Variants in PRXL2B observed in about 807,000 individuals in gnomAD.
PRXL2B encodes peroxiredoxin like 2B.
In PRXL2B, 26 loss-of-function variants were observed where a neutral mutation model predicts 24.4. That is an observed-to-expected ratio of 1.07 (90% CI 0.78 to 1.48). The LOEUF (loss-of-function observed/expected upper bound fraction) is 1.48, where lower values mean the gene tolerates loss of function less well. PRXL2B is among the 40% of genes most tolerant of loss of function. The pLI is 0.00. For missense variants in PRXL2B, 269 were observed against 264.8 expected, an observed-to-expected ratio of 1.02 and a Z score of -0.11; for synonymous variants, 115 against 118.9, an observed-to-expected ratio of 0.97 and a Z score of 0.21.
rs1007302063 is a variant in PRXL2B at position 2,586,802 on chromosome 1, C to T, written c.-84C>T. On this transcript the variant is annotated 5_prime_UTR_variant, in exon 1 of 7. Transcript: ENST00000419916. Reference sequence around the variant, plus strand: ...GGGGCTTGGGGCTGGATCTATGAGCCGGGAGCGGGGATCCAGGAGCGAGGA... The same window carrying T: ...GGGGCTTGGGGCTGGATCTATGAGCTGGGAGCGGGGATCCAGGAGCGAGGA... 3.2e-6 allele frequency: 4 copies of T among 1,261,690 alleles called. No individual in the cohort carries two copies. The South Asian group carries it at 1.4e-4, about 43-fold the overall frequency. The allele number at this position is 1,261,690 out of a possible 1,614,324, so 78.2% of individuals were successfully genotyped here.
At position 2,591,437 on chromosome 1, in the gene PRXL2B, A is replaced by G; in HGVS notation, c.*2010A>G. ...TCGGCCAGAAGCCCCTCTCAGGTTTATTCCCAAAATAAACCTGTCTCTGTT... is the reference window on the plus strand; with the variant it reads ...TCGGCCAGAAGCCCCTCTCAGGTTTGTTCCCAAAATAAACCTGTCTCTGTT... On this transcript the variant is annotated 3_prime_UTR_variant, in exon 7 of 7. Transcript: ENST00000419916. 1.2e-6 allele frequency: 1 copy of G among 820,616 alleles called. No homozygotes were observed. The highest frequency in any genetic ancestry group is 2.1e-6 in the Non-Finnish European group (1 of 482,134). The allele number at this position is 820,616 out of a possible 1,614,324, so 50.8% of individuals were successfully genotyped here.
intron 3 of PRXL2B, 109 bp from the exon 4 acceptor site, chr1:2,588,281 C>T (rs1284413992): frequency 7.4e-5 from 70 of 939,654 alleles, no homozygotes; most frequent in African/African-American, 9.0e-5. Context: ...CCTGGTGAGG[C>T]GGGTGGGTGG....
At position 2,588,643 on chromosome 1, in the gene PRXL2B, C is replaced by T. The variant is rs376244940; in HGVS notation, c.460+18C>T. ...CAGCAAAGGTGGGTCGAGGGAGGGGCCTCGGCCACTGCCTCAAGGAGGGCC... is the reference window on the plus strand; with the variant it reads ...CAGCAAAGGTGGGTCGAGGGAGGGGTCTCGGCCACTGCCTCAAGGAGGGCC... On this transcript the variant is annotated intron_variant, in intron 5 of 6. Transcript: ENST00000419916. 1 of 1,611,458 alleles carries T rather than the reference C, an allele frequency of 6.2e-7. No homozygotes were observed. Among genetic ancestry groups the T allele is most frequent in the Non-Finnish European group, 8.5e-7 (1 of 1,178,632 alleles).
rs1257410433 is a variant in PRXL2B, at chr1:2,587,242, G to A, written c.215G>A (p.Gly72Glu). 1.3e-6 allele frequency: 2 copies of A among 1,577,430 alleles called. No individual in the cohort carries two copies. The highest frequency in any genetic ancestry group is 1.7e-6 in the Non-Finnish European group (2 of 1,168,038). Reference sequence around the variant, plus strand: ...CACGGCGTGCGCCTGGTGGGCGTAGGGCCCGAGGCCCTGGGTCTGCAGGAG... The same window carrying A: ...CACGGCGTGCGCCTGGTGGGCGTAGAGCCCGAGGCCCTGGGTCTGCAGGAG... Reference protein sequence around the residue: ...DQHGVRLVGVGPEALGLQEFL... With the variant: ...DQHGVRLVGVEPEALGLQEFL... Residue 72 changes from glycine to glutamate, a missense_variant, in exon 2 of 7, where the codon GGG becomes GAG. Gly to Glu is a moderately conservative substitution (Grantham distance 98, BLOSUM62 -2). Transcript: ENST00000419916. This position sits in a 1 kb window ranked among gnomAD's most constrained non-coding sequence, Gnocchi z 6.1.
In PRXL2B at chr1:2,587,388, C is replaced by A. The variant is rs1464662587; in HGVS notation, c.268+93C>A. The A allele has an allele frequency of 2.1e-6, 3 of 1,418,984 alleles. No homozygotes were observed. Among genetic ancestry groups the A allele is most frequent in the African/African-American group, 1.4e-5 (1 of 69,792 alleles). The allele number at this position is 1,418,984 out of a possible 1,614,324, so 87.9% of individuals were successfully genotyped here. A position where few individuals can be genotyped will look rare whatever the true frequency, so the allele number is the denominator to read the frequency against. On this transcript the variant is annotated intron_variant, in intron 2 of 6. Transcript: ENST00000419916. This position sits in a 1 kb window ranked among gnomAD's most constrained non-coding sequence, Gnocchi z 6.1. ...TCCTGCCCAACCCCGGCCCTTCTGT[C>A]TGCTGGAGCGGCCTTGATATGCCCA...
At position 2,587,748 on chromosome 1, in the gene PRXL2B, C is replaced by A; in HGVS notation, c.276C>A (p.Tyr92Ter). 1 of 1,604,314 alleles carries A rather than the reference C, an allele frequency of 6.2e-7. No homozygotes were observed. The highest frequency in any genetic ancestry group is 8.5e-7 in the Non-Finnish European group (1 of 1,175,696). The stretch of plus-strand genomic sequence containing the variant: ...GTGGCTTCCGCTTTCCAGAGCTCTA[C>A]CTGGATGAGAGCAAGCAGCTTTACA... ...LDGDYFAGEL[Y>*]LDESKQLYKE... The change falls in exon 3 of 7, where the codon TAC (tyrosine) becomes TAA (stop). Residue 92 changes from tyrosine (Y) to a stop codon, truncating the protein, a stop_gained. Coordinates refer to ENST00000419916, the MANE Select transcript of PRXL2B (RefSeq NM_152371.5). LOFTEE classifies it high-confidence loss of function. The surrounding 1 kb of genome is among the most constrained non-coding windows in gnomAD (Gnocchi z 6.1).
chr1:2,590,891 C>A lies in PRXL2B; in HGVS notation c.*1464C>A, dbSNP rs546601920. 8.2e-6 allele frequency: 8 copies of A among 970,284 alleles called. No homozygotes were observed. The highest frequency in any genetic ancestry group is 1.7e-5 in the African/African-American group (1 of 58,486). 60.1% of individuals were successfully genotyped at this position (970,284 alleles called of 1,614,324 possible). ...GGCAGGCAGGCTTGGCATGGTTGGCCGGGGCGGGACGTACACTGGGTCGCC... is the reference window on the plus strand; with the variant it reads ...GGCAGGCAGGCTTGGCATGGTTGGCAGGGGCGGGACGTACACTGGGTCGCC... On this transcript the variant is annotated 3_prime_UTR_variant, in exon 7 of 7. Coordinates refer to ENST00000419916, the MANE Select transcript of PRXL2B (RefSeq NM_152371.5).
chr1:2,586,571 G>A (rs1297786518), upstream of PRXL2B: 2 of 457,700 alleles, frequency 4.4e-6, no homozygotes, highest in Non-Finnish European at 7.0e-6. Context: ...TTGGCGCCGC[G>A]ATCTCGAGGC....
chr1:2,590,015 G>C lies in PRXL2B; in HGVS notation c.*588G>C, dbSNP rs951584950. On this transcript the variant is annotated 3_prime_UTR_variant, in exon 7 of 7. Coordinates refer to ENST00000419916, the MANE Select transcript of PRXL2B (RefSeq NM_152371.5). ...TCAGAATCATTGTTTGCACCTGCTGGGTATGGCCTTTGGGGCGGCCGGCCC... is the reference window on the plus strand; with the variant it reads ...TCAGAATCATTGTTTGCACCTGCTGCGTATGGCCTTTGGGGCGGCCGGCCC... The C allele has an allele frequency of 6.5e-5, 10 of 153,626 alleles. No homozygotes were observed. The highest frequency in any genetic ancestry group is 2.2e-4 in the African/African-American group (9 of 41,466). 9.5% of individuals were successfully genotyped at this position (153,626 alleles called of 1,614,324 possible).
At position 2,587,213 on chromosome 1, in the gene PRXL2B, C is replaced by G. The variant is rs768043662; in HGVS notation, c.186C>G (p.Asp62Glu). The G allele has an allele frequency of 6.4e-6, 10 of 1,571,128 alleles. No individual in the cohort carries two copies. In the East Asian group the frequency reaches 2.3e-4, roughly 37 times the overall value. ...QDLSSLAGLL[D>E]QHGVRLVGVG... The stretch of plus-strand genomic sequence containing the variant: ...TCAGCAGCCTTGCTGGGCTCCTGGA[C>G]CAACACGGCGTGCGCCTGGTGGGCG... Residue 62 changes from aspartate (D) to glutamate (E), a missense_variant, in exon 2 of 7, where the codon GAC becomes GAG. By Grantham distance (45) the Asp-to-Glu change is conservative. Transcript: ENST00000419916. The surrounding 1 kb of genome is among the most constrained non-coding windows in gnomAD (Gnocchi z 6.1).
In PRXL2B at chr1:2,589,657, T is replaced by G. The variant is rs1375772422; in HGVS notation, c.*230T>G. 2 of 606,706 alleles carry G rather than the reference T, an allele frequency of 3.3e-6. No individual in the cohort carries two copies. The highest frequency in any genetic ancestry group is 5.8e-6 in the Non-Finnish European group (2 of 346,942). 37.6% of individuals were successfully genotyped at this position (606,706 alleles called of 1,614,324 possible). ...CCCCGCCTTGCTCACTGTTGGGCCC[T>G]CAGGGCGGGCAGGGTGGCTGTGAGT... On this transcript the variant is annotated 3_prime_UTR_variant, in exon 7 of 7. Coordinates refer to ENST00000419916, the MANE Select transcript of PRXL2B (RefSeq NM_152371.5).
chr1:2,587,684 G>A lies in PRXL2B; in HGVS notation c.269-57G>A, dbSNP rs1644559891. ...GGAGGAGGGCGATTCTTTGTGGTGAGTGGGTTGGGGGCTGGTTCTGCGCCT... is the reference window on the plus strand; with the variant it reads ...GGAGGAGGGCGATTCTTTGTGGTGAATGGGTTGGGGGCTGGTTCTGCGCCT... On this transcript the variant is annotated intron_variant, in intron 2 of 6. Coordinates refer to ENST00000419916, the MANE Select transcript of PRXL2B (RefSeq NM_152371.5). The surrounding 1 kb of genome is among the most constrained non-coding windows in gnomAD (Gnocchi z 6.1). The A allele has an allele frequency of 2.6e-6, 4 of 1,554,626 alleles. No individual in the cohort carries two copies. The highest frequency in any genetic ancestry group is 2.4e-5 in the South Asian group (2 of 85,102).
Position 2,587,931 on chromosome 1 carries a change from A to C in PRXL2B, c.320+139A>C, listed in dbSNP as rs1644567724. On this transcript the variant is annotated intron_variant, in intron 3 of 6. Transcript: ENST00000419916. The surrounding 1 kb of genome is among the most constrained non-coding windows in gnomAD (Gnocchi z 6.1). ...TCCTGGGCAAGGCGGCTCTGGTGGC[A>C]CTGTTGACCAGCCCTTCTGCCAGGC... 2 of 923,552 alleles carry C rather than the reference A, an allele frequency of 2.2e-6. No homozygotes were observed. The highest frequency in any genetic ancestry group is 1.7e-5 in the African/African-American group (1 of 59,652). 57.2% of individuals were successfully genotyped at this position (923,552 alleles called of 1,614,324 possible). A position where few individuals can be genotyped will look rare whatever the true frequency, so the allele number is the denominator to read the frequency against.
At position 2,589,526 on chromosome 1, in the gene PRXL2B, C is replaced by G. The variant is rs769296681; in HGVS notation, c.*99C>G. 7.7e-6 allele frequency: 12 copies of G among 1,566,020 alleles called. No homozygotes were observed. The African/African-American group carries it at 8.1e-5, about 11-fold the overall frequency. Reference sequence around the variant, plus strand: ...AAGAACTGTTCCGGAGGCGCTGGGTCGGGATGCCGAACCTCTCCTGATCCG... The same window carrying G: ...AAGAACTGTTCCGGAGGCGCTGGGTGGGGATGCCGAACCTCTCCTGATCCG... On this transcript the variant is annotated 3_prime_UTR_variant, in exon 7 of 7. Transcript: ENST00000419916.
chr1:2,586,981 G>T, intron 1 of PRXL2B, 33 bp downstream of exon 1: 1 of 1,313,104 alleles, frequency 7.6e-7, no homozygotes. Context: ...CGGTGGGCGC[G>T]TCCCTGGCTC....
intron 5 of PRXL2B, 40 bp from the exon 6 acceptor site, chr1:2,588,882 C>A: frequency 6.3e-7 from 1 of 1,579,746 alleles, no homozygotes; most frequent in Non-Finnish European, 8.7e-7. Flanking sequence ...GAGGTGCAGG[C>A]GGCCTCCGGG....
chr1:2,587,721 A>T lies in PRXL2B; in HGVS notation c.269-20A>T, dbSNP rs781331959. On this transcript the variant is annotated intron_variant, in intron 2 of 6. Coordinates refer to ENST00000419916, the MANE Select transcript of PRXL2B (RefSeq NM_152371.5). This position sits in a 1 kb window ranked among gnomAD's most constrained non-coding sequence, Gnocchi z 6.1. The stretch of plus-strand genomic sequence containing the variant: ...CTGGTTCTGCGCCTGGGGCACACAC[A>T]TGTGGCTTCCGCTTTCCAGAGCTCT... 5.8e-6 allele frequency: 9 copies of T among 1,556,984 alleles called. No individual in the cohort carries two copies. In the Admixed American group the frequency reaches 1.1e-4, roughly 19 times the overall value.
chr1:2,587,851 G>T lies in PRXL2B; in HGVS notation c.320+59G>T, dbSNP rs1644566185. On this transcript the variant is annotated intron_variant, in intron 3 of 6. Coordinates refer to ENST00000419916, the MANE Select transcript of PRXL2B (RefSeq NM_152371.5). The surrounding 1 kb of genome is among the most constrained non-coding windows in gnomAD (Gnocchi z 6.1). Reference sequence around the variant, plus strand: ...GGTGGGGGGCCCAGGGGTTCCCACCGCTCCCTGCCACCTCCTCTCCCTGCT... The same window carrying T: ...GGTGGGGGGCCCAGGGGTTCCCACCTCTCCCTGCCACCTCCTCTCCCTGCT... 2.6e-6 allele frequency: 4 copies of T among 1,525,788 alleles called. No individual in the cohort carries two copies. Among genetic ancestry groups the T allele is most frequent in the Non-Finnish European group, 3.6e-6 (4 of 1,125,156 alleles). 94.5% of individuals were successfully genotyped at this position (1,525,788 alleles called of 1,614,324 possible).
chr1:2,588,708 C>A, intron 5 of PRXL2B, 83 bp downstream of exon 5: 4 of 1,468,264 alleles, frequency 2.7e-6, no homozygotes, highest in South Asian at 1.2e-5. Flanking sequence ...CTCTCTCTGG[C>A]TTGTCAGTCT....
Sources: allele counts gnomAD v4.1 joint callset, GRCh38; gene constraint gnomAD v4.1.1; non-coding constraint Gnocchi (gnomAD v3.1); transcripts MANE v1.5; gene names NCBI Gene and HGNC (gene_info 2026-07-23, HGNC 2026-07-21).